The following HEATR5B variants were observed in gnomAD, a reference collection of about 807,000 sequenced individuals.
The protein encoded by HEATR5B is HEAT repeat containing 5B, also known as HEAT repeat-containing protein 5B.
In HEATR5B, 156 loss-of-function variants were observed where a neutral mutation model predicts 224.1. That is an observed-to-expected ratio of 0.70 (90% confidence interval 0.61 to 0.80). HEATR5B has a LOEUF of 0.80. Among genes scored for constraint, HEATR5B ranks in the 30% least tolerant of loss-of-function variants. HEATR5B has a pLI of 0.00. For synonymous variants in HEATR5B, 1,027 were observed against 893.0 expected (o/e 1.15, Z -2.68); for missense variants, 2,323 against 2,535.5 (o/e 0.92, Z 1.80).
intron 9 of HEATR5B, 29 bp from the exon 10 acceptor site, chr2:37,065,019 C>G (rs749350423): frequency 6.2e-7 from 1 of 1,602,396 alleles, no homozygotes; most frequent in South Asian, 1.1e-5. Flanking sequence ...AAATATTACT[C>G]TTTAATGAAG....
At chr2:36,981,866 G>T in intron 35 of HEATR5B, 72 bp from the exon 36 acceptor site, 2 of 1,125,672 alleles carry the variant, frequency 1.8e-6, no homozygotes, top group African/African-American at 1.6e-5. Context: ...CTAGGCAATT[G>T]CCATGGAAGA....
chr2:36,981,247 A>G lies in HEATR5B; in HGVS notation c.*243T>C, dbSNP rs1572716973. 1.6e-5 allele frequency: 6 copies of G among 376,352 alleles called. No homozygotes were observed. Among genetic ancestry groups the G allele is most frequent in the Non-Finnish European group, 2.4e-5 (5 of 212,566 alleles). The allele number at this position is 376,352 out of a possible 1,614,324, so 23.3% of individuals were successfully genotyped here. A position where few individuals can be genotyped will look rare whatever the true frequency, so the allele number is the denominator to read the frequency against. ...CTATGGCTCAGTGTTTGAAAAATAAATAAGTTAACAAAAGAGAAACATTAT... is the reference window on the plus strand; with the variant it reads ...CTATGGCTCAGTGTTTGAAAAATAAGTAAGTTAACAAAAGAGAAACATTAT... On this transcript the variant is annotated 3_prime_UTR_variant, in exon 36 of 36. Coordinates refer to ENST00000233099, the MANE Select transcript of HEATR5B (RefSeq NM_019024.3).
At chr2:37,021,097 C>T (rs1014094267) in intron 24 of HEATR5B, among the ~76,000 whole-genome samples, 16 of 152,064 alleles carry the variant, frequency 1.1e-4, no homozygotes, top group Non-Finnish European at 8.8e-5. Context: ...CGTAACTTTC[C>T]CAAAATGAGT....
intron 20 of HEATR5B, 62 bp from the exon 21 acceptor site, chr2:37,038,086 C>T: frequency 1.8e-6 from 2 of 1,109,558 alleles, no homozygotes; most frequent in Middle Eastern, 2.9e-4. Context: ...CAAAAATATT[C>T]CTAGTAAACA....
intron 33 of HEATR5B, among the ~76,000 whole-genome samples, chr2:36,991,351 T>C (rs910967345): frequency 7.2e-5 from 11 of 151,810 alleles, no homozygotes; most frequent in Admixed American, 7.2e-4. Flanking sequence ...CAAAATTAGC[T>C]GGGCATGGTG....
chr2:37,016,638 G>C (rs1018907468), intron 26 of HEATR5B, among the ~76,000 whole-genome samples: 1 of 152,154 alleles, frequency 6.6e-6, no homozygotes, highest in African/African-American at 2.4e-5. Context: ...CTTCACATCA[G>C]AGCCAAATTA....
chr2:37,048,294 C>G (rs1028767433), intron 18 of HEATR5B, among the ~76,000 whole-genome samples: 1 of 151,790 alleles, frequency 6.6e-6, no homozygotes, highest in Non-Finnish European at 1.5e-5. Context: ...AAGCGATCCT[C>G]CCATCTCAGC....
chr2:37,056,246 T>C (rs903976208), intron 16 of HEATR5B, among the ~76,000 whole-genome samples, 194 bp downstream of exon 16: 2 of 152,162 alleles, frequency 1.3e-5, no homozygotes, highest in Non-Finnish European at 2.9e-5. Flanking sequence ...TTACATAAAG[T>C]CTCAAATTAT....
intron 33 of HEATR5B, among the ~76,000 whole-genome samples, chr2:36,997,470 T>A (rs953695710): frequency 6.6e-6 from 1 of 152,094 alleles, no homozygotes; most frequent in Admixed American, 6.6e-5. Flanking sequence ...ATTATAGGCA[T>A]GAGCCACCAC....
At chr2:37,022,960 AAGAG>A (rs535024288) in intron 24 of HEATR5B, among the ~76,000 whole-genome samples, 1 of 151,994 alleles carries the variant, frequency 6.6e-6, no homozygotes, top group African/African-American at 2.4e-5. Context: ...TCTCACAACA[AAGAG>A]AGAGAGAGAA....
At chr2:37,003,001 G>A (rs191988078) in intron 31 of HEATR5B, among the ~76,000 whole-genome samples, 23 of 152,128 alleles carry the variant, frequency 1.5e-4, no homozygotes, top group South Asian at 1.5e-3. Context: ...GCTCAAACGT[G>A]TAATCTCAGC....
rs754758088 is a variant in HEATR5B at position 37,000,714 on chromosome 2, C to T, written c.5417G>A (p.Ser1806Asn). 8.5e-5 allele frequency: 137 copies of T among 1,614,020 alleles called. No homozygotes were observed. The highest frequency in any genetic ancestry group is 1.1e-4 in the Non-Finnish European group (134 of 1,179,998). ...ACTTTTAATCCCTTGAAGAGCTGCA[C>T]TGACTGGTGGAGGAACCTGATTATC... ...SADNQVPPPVSAALQGIKSIV... is the reference protein window; with the variant it reads ...SADNQVPPPVNAALQGIKSIV... Residue 1806 changes from serine to asparagine, a missense_variant, in exon 33 of 36, where the codon AGT becomes AAT. Transcript: ENST00000233099.
At chr2:36,983,326 G>C (rs1665706938) in intron 35 of HEATR5B, among the ~76,000 whole-genome samples, 2 of 150,504 alleles carry the variant, frequency 1.3e-5, no homozygotes, top group Non-Finnish European at 3.0e-5. Flanking sequence ...TCAGGAGTTT[G>C]AGACCAGCCT....
chr2:37,028,423 T>C (rs765406409), intron 23 of HEATR5B, among the ~76,000 whole-genome samples: 1 of 152,098 alleles, frequency 6.6e-6, no homozygotes, highest in African/African-American at 2.4e-5. Context: ...CTAGAGTAAC[T>C]TGGGGTTTTT....
chr2:37,033,039 C>A (rs1669235399), intron 21 of HEATR5B, among the ~76,000 whole-genome samples: 1 of 152,046 alleles, frequency 6.6e-6, no homozygotes, highest in Non-Finnish European at 1.5e-5. Flanking sequence ...TGCCACCACA[C>A]CTGGCTAATT....
At chr2:37,074,598 T>G (rs1051565595) in intron 5 of HEATR5B, among the ~76,000 whole-genome samples, 1 of 152,148 alleles carries the variant, frequency 6.6e-6, no homozygotes, top group African/African-American at 2.4e-5. Flanking sequence ...CAAGGCACTG[T>G]TTAGAGAATA....
At chr2:37,055,745 T>C (rs1216638942) in intron 16 of HEATR5B, among the ~76,000 whole-genome samples, 1 of 152,206 alleles carries the variant, frequency 6.6e-6, no homozygotes, top group African/African-American at 2.4e-5. Context: ...ATTGCAGACA[T>C]AAGCCACCAC....
chr2:37,063,565 G>A (rs1482060810), intron 10 of HEATR5B, among the ~76,000 whole-genome samples: 1 of 152,080 alleles, frequency 6.6e-6, no homozygotes, highest in Non-Finnish European at 1.5e-5. Flanking sequence ...AGGAAGATGA[G>A]AATGAGGAAG....
At chr2:36,984,616 G>A (rs1284080644) in intron 35 of HEATR5B, among the ~76,000 whole-genome samples, 1 of 152,050 alleles carries the variant, frequency 6.6e-6, no homozygotes, top group Non-Finnish European at 1.5e-5. Flanking sequence ...AACAACTGAA[G>A]AAAGTGAAAA....
Sources: gnomAD v4.1 joint callset for allele counts (sites outside exome capture counted in the v4.1 genomes callset) on GRCh38, gnomAD v4.1.1 for gene constraint, MANE v1.5 for transcripts, NCBI Gene and HGNC (gene_info 2026-07-23, HGNC 2026-07-21) for gene names.